The following ERBB4 variants were observed in gnomAD, a reference collection of about 807,000 sequenced individuals.
ERBB4 encodes receptor tyrosine-protein kinase erbB-4.
A neutral mutation model predicts 158.0 loss-of-function variants in ERBB4; 42 were observed. That is an observed-to-expected ratio of 0.27 (90% CI 0.21 to 0.34). The LOEUF (loss-of-function observed/expected upper bound fraction) is 0.34, where lower values mean the gene tolerates loss of function less well. Among genes scored for constraint, ERBB4 ranks in the 10% least tolerant of loss-of-function variants. ERBB4 has a pLI of 1.00. For missense variants in ERBB4, 1,333 were observed against 1,624.1 expected, an observed-to-expected ratio of 0.82 and a Z score of 3.08; for synonymous variants, 583 against 558.7, an observed-to-expected ratio of 1.04 and a Z score of -0.61.
chr2:212,443,158 G>A lies in ERBB4; in HGVS notation c.82+95291C>T, dbSNP rs547739201. Among the ~76,000 whole-genome samples the A allele has an allele frequency of 9.8e-5, 15 of 152,324 alleles. No individual in the cohort carries two copies. The South Asian group carries it at 2.7e-3, about 27-fold the overall frequency. ...TCTTTCAGCTGGCAAGGCCAGCAAT[G>A]TACCTTTACTGTCCTACCTCAGGGG... On this transcript the variant is annotated intron_variant, in intron 1 of 27. Transcript: ENST00000342788.
chr2:212,426,071 C>T (rs548121713), intron 1 of ERBB4, among the ~76,000 whole-genome samples: 5 of 152,082 alleles, frequency 3.3e-5, no homozygotes, highest in South Asian at 2.1e-4. Flanking sequence ...TCTCCTTTCA[C>T]ATTTTACAAT....
chr2:212,283,226 A>G (rs2085825901), intron 1 of ERBB4, among the ~76,000 whole-genome samples: 1 of 151,972 alleles, frequency 6.6e-6, no homozygotes, highest in Non-Finnish European at 1.5e-5. Flanking sequence ...AATCAGTATG[A>G]CTTGAACTGC....
chr2:211,501,280 A>G (rs2065607652), intron 20 of ERBB4, among the ~76,000 whole-genome samples: 1 of 151,850 alleles, frequency 6.6e-6, no homozygotes, highest in South Asian at 2.1e-4. Flanking sequence ...AATATTTACT[A>G]CCACAATAGG....
intron 3 of ERBB4, among the ~76,000 whole-genome samples, chr2:211,898,714 T>C (rs770495339): frequency 6.6e-6 from 1 of 152,130 alleles, no homozygotes; most frequent in Non-Finnish European, 1.5e-5. Flanking sequence ...AATTAAAAAA[T>C]GATAAGGAAG....
chr2:211,579,652 T>C (rs2068008777), intron 19 of ERBB4, among the ~76,000 whole-genome samples: 1 of 152,058 alleles, frequency 6.6e-6, no homozygotes, highest in South Asian at 2.1e-4. Context: ...TTTATAGAGA[T>C]GTAGATGGAA....
chr2:212,062,851 G>C (rs1225109819), intron 2 of ERBB4, among the ~76,000 whole-genome samples: 1 of 152,174 alleles, frequency 6.6e-6, no homozygotes, highest in Non-Finnish European at 1.5e-5. Context: ...AGACTGGCCT[G>C]TGTATAATGT....
chr2:212,071,185 G>A (rs1480029343), intron 2 of ERBB4, among the ~76,000 whole-genome samples: 1 of 151,636 alleles, frequency 6.6e-6, no homozygotes, highest in African/African-American at 2.4e-5. Context: ...CCATCTATTG[G>A]CAGATATAAA....
At chr2:212,089,150 C>T (rs2078700126) in intron 2 of ERBB4, among the ~76,000 whole-genome samples, 1 of 151,974 alleles carries the variant, frequency 6.6e-6, no homozygotes, top group African/African-American at 2.4e-5. Flanking sequence ...TATACAAATA[C>T]CAACCTGATT....
intron 20 of ERBB4, among the ~76,000 whole-genome samples, chr2:211,462,714 T>A (rs533019841): frequency 6.6e-6 from 1 of 152,274 alleles, no homozygotes; most frequent in East Asian, 1.9e-4. Context: ...TAATTGCAAT[T>A]CCATTTTCTA....
chr2:212,297,325 G>A (rs1381625753), intron 1 of ERBB4, among the ~76,000 whole-genome samples: 2 of 151,462 alleles, frequency 1.3e-5, no homozygotes, highest in African/African-American at 2.4e-5. Context: ...AACAAAGAAC[G>A]ATTTGTTGTT....
intron 17 of ERBB4, among the ~76,000 whole-genome samples, chr2:211,628,262 C>T (rs893571821): frequency 3.3e-5 from 5 of 152,082 alleles, no homozygotes; most frequent in African/African-American, 1.2e-4. Context: ...TGGTGTGCTG[C>T]ACCCATTAAC....
chr2:211,884,157 A>G (rs1575313376), intron 3 of ERBB4, among the ~76,000 whole-genome samples: 1 of 152,164 alleles, frequency 6.6e-6, no homozygotes, highest in African/African-American at 2.4e-5. Context: ...TGCATCTAAT[A>G]GCAACACACT....
intron 20 of ERBB4, among the ~76,000 whole-genome samples, chr2:211,450,763 T>G (rs1353858140): frequency 6.6e-6 from 1 of 152,122 alleles, no homozygotes; most frequent in Admixed American, 6.6e-5. Context: ...CACCCCTCCA[T>G]AAGTCTCTAA....
chr2:212,374,725 T>G (rs1365028384), intron 1 of ERBB4, among the ~76,000 whole-genome samples: 1 of 151,962 alleles, frequency 6.6e-6, no homozygotes, highest in African/African-American at 2.4e-5. Context: ...CCAGAAAGGT[T>G]CCTATTAGTT....
At chr2:211,951,098 T>A (rs1296953690) in intron 2 of ERBB4, among the ~76,000 whole-genome samples, 1 of 152,150 alleles carries the variant, frequency 6.6e-6, no homozygotes. Flanking sequence ...GTATTATGAC[T>A]CTTTTGCCTA....
intron 3 of ERBB4, among the ~76,000 whole-genome samples, chr2:211,796,556 T>C (rs1005900306): frequency 6.6e-6 from 1 of 152,010 alleles, no homozygotes; most frequent in African/African-American, 2.4e-5. Flanking sequence ...CCATTAGTAG[T>C]ATATGAGAAA....
At chr2:212,046,097 C>A (rs372060095) in intron 2 of ERBB4, among the ~76,000 whole-genome samples, 32 of 152,190 alleles carry the variant, frequency 2.1e-4, no homozygotes, top group African/African-American at 7.2e-4. Flanking sequence ...GAAACCCAAT[C>A]CATGTTAATT....
At chr2:211,521,322 T>G (rs1192338399) in intron 20 of ERBB4, among the ~76,000 whole-genome samples, 1 of 152,134 alleles carries the variant, frequency 6.6e-6, no homozygotes, top group Non-Finnish European at 1.5e-5. Context: ...ATTTTAGTGG[T>G]CTAGATCGAT....
chr2:211,768,243 TG>T lies in ERBB4; in HGVS notation c.557-17540del, dbSNP rs527934869. Among the ~76,000 whole-genome samples the T allele has an allele frequency of 3.6e-3, 542 of 152,342 alleles. 3 individuals carry two copies. The highest frequency in any genetic ancestry group is 0.012 in the African/African-American group (506 of 41,588). ...GGGCTCTGAAGGCCTTGGGCAGCTC[TG>T]CCCCTGTGGCTCTGCAGGGTACAGC... On this transcript the variant is annotated intron_variant, in intron 4 of 27. Coordinates refer to ENST00000342788, the MANE Select transcript of ERBB4 (RefSeq NM_005235.3).
Sources: allele counts gnomAD v4.1 joint callset (sites outside exome capture counted in the v4.1 genomes callset), GRCh38; gene constraint gnomAD v4.1.1; transcripts MANE v1.5; gene names NCBI Gene and HGNC (gene_info 2026-07-23, HGNC 2026-07-21).